The following TBC1D9B variants were observed in gnomAD, a reference collection of about 807,000 sequenced individuals.
TBC1D9B encodes the protein TBC1 domain family, member 9B (with GRAM domain).
TBC1D9B carries 87 observed loss-of-function variants against 121.1 expected under a neutral mutation model. The observed-to-expected ratio is 0.72, with a 90% confidence interval of 0.60 to 0.86. TBC1D9B has a LOEUF of 0.86. Among genes scored for constraint, TBC1D9B ranks in the 40% least tolerant of loss-of-function variants. The pLI, the probability that TBC1D9B is intolerant of heterozygous loss-of-function variation, is 0.00. For missense variants in TBC1D9B, 1,540 were observed against 1,628.6 expected (o/e 0.95, Z 0.94); for synonymous variants, 668 against 670.1 (o/e 1.00, Z 0.05).
chr5:179,905,182 C>T (rs1582110374), intron 1 of TBC1D9B, among the ~76,000 whole-genome samples: 1 of 152,134 alleles, frequency 6.6e-6, no homozygotes, highest in African/African-American at 2.4e-5. Context: ...CAGAGCTACA[C>T]GTTAAAGTTA....
chr5:179,865,857 A>G lies in TBC1D9B; in HGVS notation c.2895T>C (p.Ser965=). ...EALPQEEQEG[S]GSEERGEEKG... is the part of the protein sequence containing the mutation. ...CTGTACCTCCTCTCTCCTCACTTCC[A>G]CTTCCTTCTTGCTCTTCCTGTGGTA... is the stretch of plus-strand genomic sequence containing the variant. Residue 965 remains serine, a synonymous_variant, in exon 19 of 21, where the codon AGT becomes AGC. Coordinates refer to ENST00000355235, the MANE Select transcript of TBC1D9B (RefSeq NM_015043.4). The surrounding 1 kb of genome is among the most constrained non-coding windows in gnomAD (Gnocchi z 5.1). 1 of 1,611,846 alleles carries G rather than the reference A, an allele frequency of 6.2e-7. No individual in the cohort carries two copies. The highest frequency in any genetic ancestry group is 8.5e-7 in the Non-Finnish European group (1 of 1,178,768).
intron 12 of TBC1D9B, among the ~76,000 whole-genome samples, chr5:179,873,702 T>G (rs1017210303): frequency 1.3e-5 from 2 of 152,108 alleles, no homozygotes; most frequent in African/African-American, 4.8e-5. Context: ...GGAATCAGCT[T>G]CTCTAGGGAC....
At chr5:179,893,130 A>G in intron 5 of TBC1D9B, 79 bp downstream of exon 5, 1 of 1,519,444 alleles carries the variant, frequency 6.6e-7, no homozygotes, top group Non-Finnish European at 8.8e-7. Flanking sequence ...AGGTCTACAC[A>G]CTTGGACCAG....
Position 179,863,815 on chromosome 5 carries a change from TCCA to T in TBC1D9B, c.3332_3334del (p.Val1111del). 2 of 1,613,566 alleles carry T rather than the reference TCCA, an allele frequency of 1.2e-6. No homozygotes were observed. The highest frequency in any genetic ancestry group is 1.7e-6 in the Non-Finnish European group (2 of 1,179,904). ...GCCCTGTCCCTCGCCGCTGCCCCCC[TCCA>T]CCACCACCTGGCTCTCCTGTGGGGC... On this transcript the variant is annotated inframe_deletion, in exon 21 of 21. Transcript: ENST00000355235. The surrounding 1 kb of genome is among the most constrained non-coding windows in gnomAD (Gnocchi z 4.5).
rs974080353 is a variant in TBC1D9B, at chr5:179,904,277, T to C, written c.229+425A>G. Among the ~76,000 whole-genome samples the C allele has an allele frequency of 6.4e-5, 9 of 139,864 alleles. No homozygotes were observed. Among genetic ancestry groups the C allele is most frequent in the Non-Finnish European group, 1.2e-4 (8 of 66,632 alleles). 91.8% of individuals were successfully genotyped at this position (139,864 alleles called of 152,430 possible). A position where few individuals can be genotyped will look rare whatever the true frequency, so the allele number is the denominator to read the frequency against. On this transcript the variant is annotated intron_variant, in intron 2 of 20. Transcript: ENST00000355235. The surrounding 1 kb of genome is among the most constrained non-coding windows in gnomAD (Gnocchi z 4.2). ...TCTCGCTGTGTCGCCCAGGCTGGAG[T>C]GCAGTGGCGCGATCTCGGCTCACTG...
At chr5:179,887,126 A>G (rs1001186876) in intron 7 of TBC1D9B, among the ~76,000 whole-genome samples, 3 of 152,252 alleles carry the variant, frequency 2.0e-5, no homozygotes, top group African/African-American at 7.2e-5. Context: ...CCTTTCCTCT[A>G]TGAACTGTGC....
Position 179,870,289 on chromosome 5 carries a change from C to CGA in TBC1D9B, c.2689_2690dup (p.Leu898ArgfsTer2). On this transcript the variant is annotated frameshift_variant, in exon 16 of 21. Transcript: ENST00000355235. LOFTEE classifies it high-confidence loss of function. ...TCACGAACTCCTTGAAGTTGATCAG[C>CGA]GAGTCCTTGTTTTCGTCCAGGAGCC... The CGA allele has an allele frequency of 6.2e-7, 1 of 1,613,870 alleles. No individual in the cohort carries two copies. The highest frequency in any genetic ancestry group is 8.5e-7 in the Non-Finnish European group (1 of 1,180,016).
At chr5:179,867,428 G>A (rs371227011) in intron 18 of TBC1D9B, 4 of 1,551,066 alleles carry the variant, frequency 2.6e-6, no homozygotes, top group Non-Finnish European at 3.5e-6. Context: ...GGGCGCCCCT[G>A]CCTTCCAGGG....
At chr5:179,889,648 G>T (rs1246327814) in intron 6 of TBC1D9B, among the ~76,000 whole-genome samples, 3 of 152,038 alleles carry the variant, frequency 2.0e-5, no homozygotes, top group African/African-American at 7.2e-5. Flanking sequence ...GCTGAGGGAG[G>T]ATCACTTGAA....
rs150215348 is a variant in TBC1D9B at position 179,885,585 on chromosome 5, T to TCC, written c.1254+2516_1254+2517dup. The stretch of plus-strand genomic sequence containing the variant: ...GCCTAGGTGACAGAGCAAGACTCTG[T>TCC]CCCCCCCCCAAAAAAAAAAAGATGG... On this transcript the variant is annotated intron_variant, in intron 7 of 20. Transcript: ENST00000355235. This position sits in a 1 kb window ranked among gnomAD's most constrained non-coding sequence, Gnocchi z 4.5. Among the ~76,000 whole-genome samples, 1 of 115,158 alleles carries TCC rather than the reference T, an allele frequency of 8.7e-6. No homozygotes were observed. Among genetic ancestry groups the TCC allele is most frequent in the Non-Finnish European group, 1.8e-5 (1 of 54,884 alleles). 75.5% of individuals were successfully genotyped at this position (115,158 alleles called of 152,430 possible).
rs1392817991 is a variant in TBC1D9B at position 179,879,895 on chromosome 5, C to T, written c.1255-106G>A. 6 of 1,332,578 alleles carry T rather than the reference C, an allele frequency of 4.5e-6. No individual in the cohort carries two copies. The Admixed American group carries it at 1.6e-4, about 36-fold the overall frequency. 82.5% of individuals were successfully genotyped at this position (1,332,578 alleles called of 1,614,324 possible). Reference sequence around the variant, plus strand: ...GGATCGGGGCCCGGTGCAAGAAGGGCCATGGGGGCAAACGGTGCACGGAGA... The same window carrying T: ...GGATCGGGGCCCGGTGCAAGAAGGGTCATGGGGGCAAACGGTGCACGGAGA... On this transcript the variant is annotated intron_variant, in intron 7 of 20. Coordinates refer to ENST00000355235, the MANE Select transcript of TBC1D9B (RefSeq NM_015043.4).
rs531106550 is a variant in TBC1D9B, at chr5:179,900,590, C to T, written c.230-1283G>A. Among the ~76,000 whole-genome samples, 15 of 152,328 alleles carry T rather than the reference C, an allele frequency of 9.8e-5. No individual in the cohort carries two copies. The East Asian group carries it at 2.7e-3, about 27-fold the overall frequency. ...ATCCTGAACCAGTACCCTGGGGGAA[C>T]ACAGGGTTAGGTTCCTGGAGCCTCT... is the stretch of plus-strand genomic sequence containing the variant. On this transcript the variant is annotated intron_variant, in intron 2 of 20. Transcript: ENST00000355235.
In TBC1D9B at chr5:179,878,432, G is replaced by T. The variant is rs772804956; in HGVS notation, c.1659C>A (p.Ile553=). 6.2e-7 allele frequency: 1 copy of T among 1,613,188 alleles called. No individual in the cohort carries two copies. Among genetic ancestry groups the T allele is most frequent in the Non-Finnish European group, 8.5e-7 (1 of 1,179,662 alleles). ...TGKYSLATEE[I]ERDLHRSMPE... Reference sequence around the variant, plus strand: ...GCATGGAGCGGTGCAGGTCTCGCTCGATCTCCTCTGTGGCCAGGCTGTACT... The same window carrying T: ...GCATGGAGCGGTGCAGGTCTCGCTCTATCTCCTCTGTGGCCAGGCTGTACT... The change falls in exon 10 of 21, where the codon ATC becomes ATA. Residue 553 remains isoleucine, a synonymous_variant. Coordinates refer to ENST00000355235, the MANE Select transcript of TBC1D9B (RefSeq NM_015043.4).
At chr5:179,906,355 G>A (rs1761315969) in intron 1 of TBC1D9B, among the ~76,000 whole-genome samples, 1 of 152,202 alleles carries the variant, frequency 6.6e-6, no homozygotes, top group East Asian at 1.9e-4. Context: ...CACGGAGAGT[G>A]AGGTGGAAAG....
intron 1 of TBC1D9B, among the ~76,000 whole-genome samples, chr5:179,906,224 AC>A (rs1422601437): frequency 2.0e-5 from 3 of 152,210 alleles, no homozygotes; most frequent in Admixed American, 6.5e-5. Flanking sequence ...CCATGATGGC[AC>A]AGGGAAGGCC....
Position 179,907,686 on chromosome 5 carries a change from C to A in TBC1D9B, c.118+18G>T. The A allele has an allele frequency of 9.3e-7, 1 of 1,073,684 alleles. No homozygotes were observed. The highest frequency in any genetic ancestry group is 2.4e-5 in the South Asian group (1 of 42,142). The allele number at this position is 1,073,684 out of a possible 1,614,324, so 66.5% of individuals were successfully genotyped here. Reference sequence around the variant, plus strand: ...CAGCCGCGGCGCCCACAGGCCCGGCCGCCCGCGCGCCTCTCACCCGTAAGG... The same window carrying A: ...CAGCCGCGGCGCCCACAGGCCCGGCAGCCCGCGCGCCTCTCACCCGTAAGG... On this transcript the variant is annotated intron_variant, in intron 1 of 20. Transcript: ENST00000355235. The surrounding 1 kb of genome is among the most constrained non-coding windows in gnomAD (Gnocchi z 5.3).
intron 7 of TBC1D9B, chr5:179,887,769 T>C (rs949726221): frequency 5.9e-6 from 2 of 340,368 alleles, no homozygotes; most frequent in South Asian, 7.0e-5. Flanking sequence ...GGGAAGGTCA[T>C]GGGAACAAAG....
At chr5:179,887,495 A>C (rs1760722864) in intron 7 of TBC1D9B, among the ~76,000 whole-genome samples, 1 of 152,234 alleles carries the variant, frequency 6.6e-6, no homozygotes, top group African/African-American at 2.4e-5. Flanking sequence ...CGATTCCTTC[A>C]AAAAAATATT....
Position 179,865,660 on chromosome 5 carries a change from G to A in TBC1D9B, c.2914+178C>T, listed in dbSNP as rs887584251. 1 of 711,962 alleles carries A rather than the reference G, an allele frequency of 1.4e-6. No individual in the cohort carries two copies. The highest frequency in any genetic ancestry group is 2.3e-6 in the Non-Finnish European group (1 of 429,550). 44.1% of individuals were successfully genotyped at this position (711,962 alleles called of 1,614,324 possible). A position where few individuals can be genotyped will look rare whatever the true frequency, so the allele number is the denominator to read the frequency against. On this transcript the variant is annotated intron_variant, in intron 19 of 20. Transcript: ENST00000355235. This position sits in a 1 kb window ranked among gnomAD's most constrained non-coding sequence, Gnocchi z 5.1. ...AAGAGAGGGCTGGCTGGGTGCCCGTGGGGCTGGTGGAGAGCGTGGAGCCTC... is the reference window on the plus strand; with the variant it reads ...AAGAGAGGGCTGGCTGGGTGCCCGTAGGGCTGGTGGAGAGCGTGGAGCCTC...
Sources: allele counts gnomAD v4.1 joint callset (sites outside exome capture counted in the v4.1 genomes callset), GRCh38; gene constraint gnomAD v4.1.1; non-coding constraint Gnocchi (gnomAD v3.1); transcripts MANE v1.5; gene names NCBI Gene and HGNC (gene_info 2026-07-23, HGNC 2026-07-21).